CSMD1: variants seen among roughly 807,000 people sequenced by gnomAD.
The protein encoded by CSMD1 is CUB and Sushi multiple domains 1, also known as CUB and sushi domain-containing protein 1.
A neutral mutation model predicts 417.5 loss-of-function variants in CSMD1; 213 were observed. The ratio of observed to expected loss-of-function variants is 0.51; its 90% CI spans 0.46 to 0.57. CSMD1 has a LOEUF of 0.57. CSMD1 is among the 20% of genes least tolerant of loss of function. The pLI is 0.00. For synonymous variants in CSMD1, 2,862 were observed against 1,736.8 expected, an observed-to-expected ratio of 1.65 and a Z score of -16.11; for missense variants, 6,923 against 4,529.7, an observed-to-expected ratio of 1.53 and a Z score of -15.17.
intron 3 of CSMD1, among the ~76,000 whole-genome samples, chr8:4,132,160 C>T (rs1803147622): frequency 6.7e-6 from 1 of 149,716 alleles, no homozygotes; most frequent in South Asian, 2.1e-4. Context: ...CAGCTGTTGC[C>T]TGTTTGTTTA....
At position 3,857,897 on chromosome 8, in the gene CSMD1, G is replaced by A. The variant is rs140177928; in HGVS notation, c.819-103855C>T. On this transcript the variant is annotated intron_variant, in intron 5 of 69. Coordinates refer to ENST00000635120, the MANE Select transcript of CSMD1 (RefSeq NM_033225.6). ...GTGATATGTAACAGGGATTGCTTCCGTCCTTAAAATTGACCAGGCTTTGGC... is the reference window on the plus strand; with the variant it reads ...GTGATATGTAACAGGGATTGCTTCCATCCTTAAAATTGACCAGGCTTTGGC... 6.9e-4 allele frequency among the ~76,000 whole-genome samples: 105 copies of A among 152,332 alleles called. 2 individuals are homozygous for A. The East Asian group carries it at 0.016, about 23-fold the overall frequency.
At chr8:3,394,054 A>ATATATG (rs1563342476) in intron 17 of CSMD1, among the ~76,000 whole-genome samples, 63 of 127,602 alleles carry the variant, frequency 4.9e-4, no homozygotes, top group Non-Finnish European at 8.7e-4. Context: ...ATATATATAT[A>ATATATG]TAGAAAAAAA....
chr8:4,856,288 A>C (rs7822695), intron 1 of CSMD1, among the ~76,000 whole-genome samples: 115,863 of 136,096 alleles, frequency 0.85, 50,426 homozygotes, highest in East Asian at 1. Flanking sequence ...AAATGAACAA[A>C]CGGTACCAGC....
chr8:3,926,994 G>A (rs918493484), intron 5 of CSMD1, among the ~76,000 whole-genome samples: 2 of 151,848 alleles, frequency 1.3e-5, no homozygotes, highest in Admixed American at 6.6e-5. Flanking sequence ...GATTACAGGC[G>A]TGAGCCACCG....
At chr8:3,949,888 A>T (rs904947080) in intron 5 of CSMD1, 1 of 455,798 alleles carries the variant, frequency 2.2e-6, no homozygotes, top group Non-Finnish European at 4.4e-6. Context: ...CCAATTCAAG[A>T]TTGTGCCTCC....
intron 3 of CSMD1, among the ~76,000 whole-genome samples, chr8:4,370,529 G>C (rs1235901728): frequency 2.6e-5 from 4 of 152,208 alleles, no homozygotes; most frequent in Non-Finnish European, 5.9e-5. Flanking sequence ...ATGTTCAAAT[G>C]TGTTTCTCAA....
intron 3 of CSMD1, among the ~76,000 whole-genome samples, chr8:4,226,052 T>G (rs1295114426): frequency 6.9e-6 from 1 of 144,826 alleles, no homozygotes; most frequent in African/African-American, 2.6e-5. Context: ...GCTGGAAGGT[T>G]AGAGCTGACA....
chr8:3,488,176 C>T (rs544050122), intron 11 of CSMD1, among the ~76,000 whole-genome samples: 2 of 151,826 alleles, frequency 1.3e-5, no homozygotes, highest in Non-Finnish European at 2.9e-5. Context: ...CATCATAGCT[C>T]ACTGCAGCCT....
intron 52 of CSMD1, among the ~76,000 whole-genome samples, chr8:3,013,276 C>A (rs1453799241): frequency 2.0e-5 from 3 of 152,152 alleles, no homozygotes; most frequent in Non-Finnish European, 4.4e-5. Context: ...CCCACATGTT[C>A]CTGATTAAGA....
At chr8:4,694,668 T>C (rs1210264881) in intron 1 of CSMD1, among the ~76,000 whole-genome samples, 1 of 152,064 alleles carries the variant, frequency 6.6e-6, no homozygotes. Context: ...CAGCCCAATG[T>C]ACTTCCTAGA....
intron 46 of CSMD1, among the ~76,000 whole-genome samples, chr8:3,101,877 C>A (rs1255095197): frequency 6.8e-6 from 1 of 147,420 alleles, no homozygotes; most frequent in African/African-American, 2.5e-5. Flanking sequence ...TCTCAGCTCA[C>A]TGCAACCTCC....
chr8:3,616,625 C>A (rs1391905959), intron 8 of CSMD1, 85 bp downstream of exon 8: 5 of 859,514 alleles, frequency 5.8e-6, no homozygotes, highest in East Asian at 2.6e-5. Flanking sequence ...CTCAAAAGAA[C>A]AAAAGAGTTA....
rs569139205 is a variant in CSMD1, at chr8:4,494,775, G to T, written c.303-74710C>A. ...TTGTTGATTACCTATTCTCTATCAT[G>T]ATTATATCTTTCTATAATTTTGTGG... On this transcript the variant is annotated intron_variant, in intron 2 of 69. Coordinates refer to ENST00000635120, the MANE Select transcript of CSMD1 (RefSeq NM_033225.6). Among the ~76,000 whole-genome samples, 322 of 152,168 alleles carry T rather than the reference G, an allele frequency of 2.1e-3. 1 individual carries two copies. Among genetic ancestry groups the T allele is most frequent in the African/African-American group, 7.4e-3 (308 of 41,506 alleles).
intron 3 of CSMD1, among the ~76,000 whole-genome samples, chr8:4,275,978 C>A (rs1200397925): frequency 2.6e-5 from 4 of 152,144 alleles, no homozygotes; most frequent in Non-Finnish European, 5.9e-5. Flanking sequence ...ACAGCAGATG[C>A]TGGAGAGACT....
chr8:4,024,836 C>G (rs1455495942), intron 4 of CSMD1, among the ~76,000 whole-genome samples: 1 of 152,176 alleles, frequency 6.6e-6, no homozygotes, highest in Admixed American at 6.5e-5. Flanking sequence ...GATCTAAGCT[C>G]TGCAATGCTG....
chr8:4,041,079 C>G (rs535114151), intron 3 of CSMD1, among the ~76,000 whole-genome samples: 34 of 140,840 alleles, frequency 2.4e-4, no homozygotes, highest in South Asian at 6.6e-4. Flanking sequence ...TGCAGTGGCG[C>G]GATCTCGGCT....
chr8:3,634,420 C>T (rs977154298), intron 7 of CSMD1, among the ~76,000 whole-genome samples: 8 of 152,144 alleles, frequency 5.3e-5, no homozygotes, highest in African/African-American at 1.7e-4. Flanking sequence ...ATCCTCTGTG[C>T]GTGGGGTCAC....
At chr8:3,860,816 T>C (rs987130478) in intron 5 of CSMD1, among the ~76,000 whole-genome samples, 4 of 152,228 alleles carry the variant, frequency 2.6e-5, no homozygotes, top group African/African-American at 9.6e-5. Flanking sequence ...CATAGTTTTC[T>C]GGTGAACAAA....
At chr8:3,030,286 A>G (rs1415174781) in intron 50 of CSMD1, among the ~76,000 whole-genome samples, 1 of 151,990 alleles carries the variant, frequency 6.6e-6, no homozygotes. Context: ...GTGCAAGATG[A>G]TTTAAAATAC....
Sources: allele counts gnomAD v4.1 joint callset (sites outside exome capture counted in the v4.1 genomes callset), GRCh38; gene constraint gnomAD v4.1.1; transcripts MANE v1.5; gene names NCBI Gene and HGNC (gene_info 2026-07-23, HGNC 2026-07-21).